The following DOC2A variants were observed in gnomAD, a reference collection of about 807,000 sequenced individuals.
The protein encoded by DOC2A is double C2 domain alpha, also known as double C2-like domain-containing protein alpha.
DOC2A carries 28 observed loss-of-function variants against 40.6 expected under a neutral mutation model. The observed-to-expected ratio is 0.69, with a 90% CI of 0.51 to 0.95. The LOEUF (loss-of-function observed/expected upper bound fraction) is 0.95. Ranked by LOEUF, DOC2A falls within the 40% of genes least tolerant of loss-of-function variation. The pLI, the probability that DOC2A is intolerant of heterozygous loss-of-function variation, is 0.00. For missense variants in DOC2A, 474 were observed against 552.5 expected (o/e 0.86, Z 1.42); for synonymous variants, 241 against 236.9 (o/e 1.02, Z -0.16).
At position 30,006,033 on chromosome 16, in the gene DOC2A, C is replaced by CTCATGAGCAGACAGACCCGGG; in HGVS notation, c.*132_*152dup. On this transcript the variant is annotated 3_prime_UTR_variant, in exon 11 of 11. Transcript: ENST00000350119. This position sits in a 1 kb window ranked among gnomAD's most constrained non-coding sequence, Gnocchi z 6.2. The stretch of plus-strand genomic sequence containing the variant: ...ATGTGAATATAGAACTCCGCAGCCC[C>CTCATGAGCAGACAGACCCGGG]TCATGAGCAGACAGACCCGGGTCAC... 1.2e-6 allele frequency: 1 copy of CTCATGAGCAGACAGACCCGGG among 862,784 alleles called. No individual in the cohort carries two copies. The highest frequency in any genetic ancestry group is 2.7e-5 in the East Asian group (1 of 37,498). 53.4% of individuals were successfully genotyped at this position (862,784 alleles called of 1,614,324 possible). A position where few individuals can be genotyped will look rare whatever the true frequency, so the allele number is the denominator to read the frequency against.
chr16:30,005,670 C>G lies in DOC2A; in HGVS notation c.*516G>C. On this transcript the variant is annotated 3_prime_UTR_variant, in exon 11 of 11. Transcript: ENST00000350119. Reference sequence around the variant, plus strand: ...AGGGGACAGTTATTTAAACGAGTGGCCGGGAGCATCTGCCACCTGCTGGGG... The same window carrying G: ...AGGGGACAGTTATTTAAACGAGTGGGCGGGAGCATCTGCCACCTGCTGGGG... The G allele has an allele frequency of 1.8e-6, 1 of 560,504 alleles. No individual in the cohort carries two copies. The highest frequency in any genetic ancestry group is 3.1e-6 in the Non-Finnish European group (1 of 322,152). 34.7% of individuals were successfully genotyped at this position (560,504 alleles called of 1,614,324 possible). A position where few individuals can be genotyped will look rare whatever the true frequency, so the allele number is the denominator to read the frequency against.
rs376120114 is a variant in DOC2A at position 30,010,085 on chromosome 16, G to A, written c.138C>T (p.Gly46=). The A allele has an allele frequency of 1.6e-4, 253 of 1,611,854 alleles. 1 individual carries two copies. The highest frequency in any genetic ancestry group is 1.1e-4 in the African/African-American group (8 of 75,004). The part of the protein sequence containing the change: ...FPRGPGPEGG[G]GGGGEAPAHL... ...GGGCGGGGGCCTCCCCGCCGCCCCC[G>A]CCGCCCCCTTCAGGTCCTGGTCCCC... Residue 46 remains glycine (G), a synonymous_variant, in exon 2 of 11, where the codon GGC becomes GGT. Transcript: ENST00000350119. The surrounding 1 kb of genome is among the most constrained non-coding windows in gnomAD (Gnocchi z 4.2).
chr16:30,009,568 A>G lies in DOC2A; in HGVS notation c.263-11T>C. On this transcript the variant is annotated splice_polypyrimidine_tract_variant and intron_variant, in intron 2 of 10. Transcript: ENST00000350119. This position sits in a 1 kb window ranked among gnomAD's most constrained non-coding sequence, Gnocchi z 4.1. The stretch of plus-strand genomic sequence containing the variant: ...GCGTGCCTAGGGCGGCTGGAGAGAG[A>G]GGAAAGGCAGCATGGGTCGGTATGG... 6.5e-7 allele frequency: 1 copy of G among 1,550,352 alleles called. No homozygotes were observed.
At chr16:30,007,342 C>A in intron 5 of DOC2A, 43 bp from the exon 6 acceptor site, 1 of 1,612,948 alleles carries the variant, frequency 6.2e-7, no homozygotes, top group Non-Finnish European at 8.5e-7. Flanking sequence ...GGTACCTGAG[C>A]CCCGTTCCGG....
intron 1 of DOC2A, among the ~76,000 whole-genome samples, chr16:30,017,405 C>G (rs1380077041): frequency 6.6e-6 from 1 of 152,048 alleles, no homozygotes; most frequent in Non-Finnish European, 1.5e-5. Flanking sequence ...TGCCCACCAA[C>G]AGTGGACTGG....
At chr16:30,014,977 C>T (rs900019978), upstream of DOC2A, 4 of 151,938 alleles carry the variant, frequency 2.6e-5, no homozygotes, top group Non-Finnish European at 5.9e-5. Flanking sequence ...AAAGCAAGTG[C>T]AGAGAAGCAT....
chr16:30,016,512 C>T (rs1316238880), upstream of DOC2A, among the ~76,000 whole-genome samples: 1 of 152,190 alleles, frequency 6.6e-6, no homozygotes, highest in Non-Finnish European at 1.5e-5. Flanking sequence ...GGGAGGGGGA[C>T]ACTCTGGTCA....
chr16:30,013,269 CT>C (rs760313011), upstream of DOC2A, among the ~76,000 whole-genome samples: 67 of 110,414 alleles, frequency 6.1e-4, no homozygotes, highest in South Asian at 9.8e-4. Context: ...TTTTTCTTTT[CT>C]TTTTTTTTTT....
In DOC2A at chr16:30,006,674, G is replaced by A. The variant is rs1296459105; in HGVS notation, c.882C>T (p.Tyr294=). Residue 294 remains tyrosine, a synonymous_variant, in exon 9 of 11, where the codon TAC becomes TAT. Transcript: ENST00000350119. This position sits in a 1 kb window ranked among gnomAD's most constrained non-coding sequence, Gnocchi z 6.2. ...ATTTCTTGTCCACATCGGGCCTCAGGTACCTGGGGGTGGGGTGGAGGGAGA... is the reference window on the plus strand; with the variant it reads ...ATTTCTTGTCCACATCGGGCCTCAGATACCTGGGGGTGGGGTGGAGGGAGA... ...NGYSDPYVKT[Y]LRPDVDKKSK... 1.2e-6 allele frequency: 2 copies of A among 1,613,778 alleles called. No individual in the cohort carries two copies. Among genetic ancestry groups the A allele is most frequent in the Admixed American group, 1.7e-5 (1 of 59,974 alleles).
rs974852053 is a variant in DOC2A at position 30,005,942 on chromosome 16, G to A, written c.*244C>T. 12 of 582,650 alleles carry A rather than the reference G, an allele frequency of 2.1e-5. No homozygotes were observed. Among genetic ancestry groups the A allele is most frequent in the Non-Finnish European group, 3.3e-5 (11 of 330,082 alleles). 36.1% of individuals were successfully genotyped at this position (582,650 alleles called of 1,614,324 possible). ...TGGGGCCGGGCTCTGAGCACTGCCC[G>A]GGTGTGCAGATGATGGGGGGTTTGC... On this transcript the variant is annotated 3_prime_UTR_variant, in exon 11 of 11. Transcript: ENST00000350119.
At position 30,009,636 on chromosome 16, in the gene DOC2A, G is replaced by A; in HGVS notation, c.263-79C>T. ...AGGCCAGCAGGTGGGCACTGGCTCT[G>A]TGTGTCTCTCTCTCTTGCCAGCCCG... On this transcript the variant is annotated intron_variant, in intron 2 of 10. Transcript: ENST00000350119. This position sits in a 1 kb window ranked among gnomAD's most constrained non-coding sequence, Gnocchi z 4.1. 1 of 1,285,674 alleles carries A rather than the reference G, an allele frequency of 7.8e-7. No homozygotes were observed. The highest frequency in any genetic ancestry group is 2.0e-5 in the Admixed American group (1 of 50,688). The allele number at this position is 1,285,674 out of a possible 1,614,324, so 79.6% of individuals were successfully genotyped here. A position where few individuals can be genotyped will look rare whatever the true frequency, so the allele number is the denominator to read the frequency against.
Position 30,006,334 on chromosome 16 carries a change from G to A in DOC2A, c.1058-3C>T, listed in dbSNP as rs1218639738. On this transcript the variant is annotated splice_region_variant and splice_polypyrimidine_tract_variant and intron_variant, in intron 10 of 10. Coordinates refer to ENST00000350119, the MANE Select transcript of DOC2A (RefSeq NM_003586.3). This position sits in a 1 kb window ranked among gnomAD's most constrained non-coding sequence, Gnocchi z 6.2. ...ACCTGGCCCCAGGGACACGCCACCTGGGGAGCAGGTGGGCAGGGTCAGGGC... is the reference window on the plus strand; with the variant it reads ...ACCTGGCCCCAGGGACACGCCACCTAGGGAGCAGGTGGGCAGGGTCAGGGC... 1 of 1,612,000 alleles carries A rather than the reference G, an allele frequency of 6.2e-7. No individual in the cohort carries two copies. Among genetic ancestry groups the A allele is most frequent in the Non-Finnish European group, 8.5e-7 (1 of 1,179,724 alleles).
At chr16:30,022,361 T>C (rs930169748), upstream of DOC2A, among the ~76,000 whole-genome samples, 1 of 146,478 alleles carries the variant, frequency 6.8e-6, no homozygotes, top group African/African-American at 2.5e-5. Flanking sequence ...CCAGCCAGCA[T>C]AGTAATAGGT....
At position 30,006,574 on chromosome 16, in the gene DOC2A, T is replaced by TGTCCC. The variant is rs1197452675; in HGVS notation, c.960+17_960+21dup. The stretch of plus-strand genomic sequence containing the variant: ...CCAGCCCCTCCCTGGCCTCCCTCCA[T>TGTCCC]GTCCCGTCCCCTCCTGGGTACCTCG... On this transcript the variant is annotated intron_variant, in intron 9 of 10. Transcript: ENST00000350119. This position sits in a 1 kb window ranked among gnomAD's most constrained non-coding sequence, Gnocchi z 6.2. 1 of 1,612,922 alleles carries TGTCCC rather than the reference T, an allele frequency of 6.2e-7. No homozygotes were observed. The highest frequency in any genetic ancestry group is 1.3e-5 in the African/African-American group (1 of 74,694).
upstream of DOC2A, chr16:30,011,497 A>G: frequency 8.4e-6 from 7 of 835,906 alleles, no homozygotes; most frequent in Non-Finnish European, 1.0e-5. Flanking sequence ...CGGGTCCCCA[A>G]GGCCGGACCA....
Position 30,007,704 on chromosome 16 carries a change from T to G in DOC2A, c.528-405A>C, listed in dbSNP as rs1037653410. 3 of 317,522 alleles carry G rather than the reference T, an allele frequency of 9.4e-6. No individual in the cohort carries two copies. In the East Asian group the frequency reaches 2.5e-4, roughly 26 times the overall value. The allele number at this position is 317,522 out of a possible 1,614,324, so 19.7% of individuals were successfully genotyped here. On this transcript the variant is annotated intron_variant, in intron 5 of 10. Transcript: ENST00000350119. Reference sequence around the variant, plus strand: ...CGGGAACCCCCGTCCTTTTCCTGCATGCAGCAGAGAGCCAGCCCCGCAGGG... The same window carrying G: ...CGGGAACCCCCGTCCTTTTCCTGCAGGCAGCAGAGAGCCAGCCCCGCAGGG...
chr16:30,016,823 A>T (rs1276791426), upstream of DOC2A, among the ~76,000 whole-genome samples: 1 of 152,184 alleles, frequency 6.6e-6, no homozygotes, highest in African/African-American at 2.4e-5. Flanking sequence ...GAAGACAGAC[A>T]AATACACAGA....
upstream of DOC2A, among the ~76,000 whole-genome samples, chr16:30,016,419 G>A (rs369090303): frequency 8.5e-5 from 13 of 152,274 alleles, no homozygotes; most frequent in African/African-American, 2.2e-4. Flanking sequence ...GAAGCAGGAC[G>A]AAGGGAGACA....
chr16:30,006,394 C>T lies in DOC2A; in HGVS notation c.1057+19G>A, dbSNP rs779240266. 1.3e-5 allele frequency: 21 copies of T among 1,613,614 alleles called. No individual in the cohort carries two copies. Among genetic ancestry groups the T allele is most frequent in the South Asian group, 2.2e-5 (2 of 91,068 alleles). On this transcript the variant is annotated intron_variant, in intron 10 of 10. Transcript: ENST00000350119. The surrounding 1 kb of genome is among the most constrained non-coding windows in gnomAD (Gnocchi z 6.2). Reference sequence around the variant, plus strand: ...GCCACTTGCCCGCCCTCAACACCCGCAGCCAGCTCCTCCCTCACCAATGAA... The same window carrying T: ...GCCACTTGCCCGCCCTCAACACCCGTAGCCAGCTCCTCCCTCACCAATGAA...
Sources: gnomAD v4.1 joint callset for allele counts (sites outside exome capture counted in the v4.1 genomes callset) on GRCh38, gnomAD v4.1.1 for gene constraint, Gnocchi (gnomAD v3.1) non-coding constraint, MANE v1.5 for transcripts, NCBI Gene and HGNC (gene_info 2026-07-23, HGNC 2026-07-21) for gene names.